Variants in NRXN1 observed in about 807,000 individuals in gnomAD.
NRXN1 encodes neurexin 1.
A neutral mutation model predicts 150.9 loss-of-function variants in NRXN1; 39 were observed. The observed-to-expected ratio is 0.26, with a 90% CI of 0.20 to 0.34. NRXN1 has a LOEUF of 0.34. Ranked by LOEUF, NRXN1 falls within the 10% of genes least tolerant of loss-of-function variation. The pLI, the probability that NRXN1 is intolerant of heterozygous loss-of-function variation, is 1.00. For missense variants in NRXN1, 1,815 were observed against 1,949.9 expected (o/e 0.93, Z 1.30); for synonymous variants, 924 against 757.0 (o/e 1.22, Z -3.62).
chr2:50,212,900 C>G, intron 18 of NRXN1, among the ~76,000 whole-genome samples: 1 of 151,900 alleles, frequency 6.6e-6, no homozygotes, highest in East Asian at 1.9e-4. Context: ...CAAAGTGGTT[C>G]TTCATCATGA....
At chr2:49,957,610 C>T (rs1675209916) in intron 21 of NRXN1, among the ~76,000 whole-genome samples, 1 of 152,158 alleles carries the variant, frequency 6.6e-6, no homozygotes, top group African/African-American at 2.4e-5. Context: ...CAAAAAATCA[C>T]ATTATCAGTA....
At chr2:50,945,191 T>C (rs569099568) in intron 2 of NRXN1, among the ~76,000 whole-genome samples, 8 of 152,166 alleles carry the variant, frequency 5.3e-5, no homozygotes, top group Non-Finnish European at 8.8e-5. Context: ...AACAAACATA[T>C]AGGCTGAGCT....
intron 15 of NRXN1, among the ~76,000 whole-genome samples, chr2:50,484,114 C>T (rs1157178796): frequency 6.6e-6 from 1 of 152,198 alleles, no homozygotes; most frequent in East Asian, 1.9e-4. Flanking sequence ...AAGGTTATAG[C>T]CACCAGTGGT....
intron 17 of NRXN1, among the ~76,000 whole-genome samples, chr2:50,264,884 C>G (rs2068679173): frequency 6.6e-6 from 1 of 152,074 alleles, no homozygotes; most frequent in Non-Finnish European, 1.5e-5. Flanking sequence ...AATGTCATCA[C>G]TAGGACCAGC....
At chr2:50,570,172 A>C (rs1004426310) in intron 8 of NRXN1, among the ~76,000 whole-genome samples, 3 of 152,198 alleles carry the variant, frequency 2.0e-5, no homozygotes, top group African/African-American at 7.2e-5. Flanking sequence ...TGTCTTTTAG[A>C]AACAAGATAG....
chr2:50,052,426 C>A (rs1460331141), intron 21 of NRXN1, among the ~76,000 whole-genome samples: 1 of 152,076 alleles, frequency 6.6e-6, no homozygotes, highest in Non-Finnish European at 1.5e-5. Context: ...CAACAGGAAT[C>A]TAATGGCATT....
chr2:50,816,200 G>A (rs1249312770), intron 5 of NRXN1, among the ~76,000 whole-genome samples: 1 of 152,008 alleles, frequency 6.6e-6, no homozygotes, highest in Non-Finnish European at 1.5e-5. Flanking sequence ...GAAAATATTA[G>A]TACTCACATG....
At chr2:50,238,357 A>G (rs1358870386) in intron 17 of NRXN1, among the ~76,000 whole-genome samples, 1 of 152,012 alleles carries the variant, frequency 6.6e-6, no homozygotes, top group Non-Finnish European at 1.5e-5. Context: ...ACTAAAATCT[A>G]CATCGTTGTT....
intron 18 of NRXN1, among the ~76,000 whole-genome samples, chr2:50,202,738 C>G (rs1317699684): frequency 1.3e-5 from 2 of 152,000 alleles, no homozygotes; most frequent in African/African-American, 4.8e-5. Flanking sequence ...GGAGGCAGAC[C>G]AAATAGCTTC....
chr2:50,424,143 GGGGGGGAGGAGGAA>G (rs1357555464), intron 17 of NRXN1, among the ~76,000 whole-genome samples: 8 of 120,766 alleles, frequency 6.6e-5, no homozygotes, highest in Non-Finnish European at 8.8e-5. Context: ...AGGAGGAGGA[GGGGGGGAGGAGGAA>G]GGGGAGGAGG....
intron 8 of NRXN1, among the ~76,000 whole-genome samples, chr2:50,584,352 G>A (rs1364128299): frequency 6.6e-6 from 1 of 152,132 alleles, no homozygotes; most frequent in Non-Finnish European, 1.5e-5. Context: ...TTCTAGGTCA[G>A]TCTTGATCAA....
chr2:50,241,682 AT>A (rs2066011377), intron 17 of NRXN1, among the ~76,000 whole-genome samples: 1 of 151,808 alleles, frequency 6.6e-6, no homozygotes, highest in African/African-American at 2.4e-5. Context: ...AAAAATATAC[AT>A]GGGCTCCCGT....
At chr2:50,095,894 G>T (rs1320966730) in intron 18 of NRXN1, among the ~76,000 whole-genome samples, 1 of 150,920 alleles carries the variant, frequency 6.6e-6, no homozygotes, top group Non-Finnish European at 1.5e-5. Flanking sequence ...CCATTAACTC[G>T]TCATTGACAT....
chr2:49,961,960 G>A (rs1472134766), intron 21 of NRXN1, among the ~76,000 whole-genome samples: 3 of 152,098 alleles, frequency 2.0e-5, no homozygotes, highest in African/African-American at 7.2e-5. Flanking sequence ...ATATGGTGTG[G>A]CTGGGTATGG....
At chr2:50,247,551 T>C (rs1322655940) in intron 17 of NRXN1, among the ~76,000 whole-genome samples, 1 of 152,100 alleles carries the variant, frequency 6.6e-6, no homozygotes, top group Non-Finnish European at 1.5e-5. Flanking sequence ...ACAGTCTCAG[T>C]TTTAGTTTTC....
intron 2 of NRXN1, among the ~76,000 whole-genome samples, chr2:50,996,046 T>C (rs1699236322): frequency 6.6e-6 from 1 of 152,108 alleles, no homozygotes. Context: ...CTACGTGGAA[T>C]ATCTATGACT....
intron 21 of NRXN1, among the ~76,000 whole-genome samples, chr2:49,952,398 G>A (rs1387142975): frequency 6.6e-6 from 1 of 152,016 alleles, no homozygotes; most frequent in Admixed American, 6.6e-5. Flanking sequence ...AGCACATCAT[G>A]TAACACTAAA....
At chr2:50,124,176 A>C (rs1438801979) in intron 18 of NRXN1, among the ~76,000 whole-genome samples, 1 of 152,142 alleles carries the variant, frequency 6.6e-6, no homozygotes, top group Non-Finnish European at 1.5e-5. Flanking sequence ...TTTGCTGAGG[A>C]GGGAATGATC....
chr2:50,629,090 C>A (rs1007532824), intron 5 of NRXN1, among the ~76,000 whole-genome samples: 6 of 151,622 alleles, frequency 4.0e-5, no homozygotes, highest in Admixed American at 2.0e-4. Flanking sequence ...GAACTTGGGC[C>A]TACCCTATGA....
Sources: gnomAD v4.1 joint callset for allele counts (sites outside exome capture counted in the v4.1 genomes callset) on GRCh38, gnomAD v4.1.1 for gene constraint, MANE v1.5 for transcripts, NCBI Gene and HGNC (gene_info 2026-07-23, HGNC 2026-07-21) for gene names.